HMCN1: variants seen among roughly 807,000 people sequenced by gnomAD.
HMCN1 encodes the protein hemicentin 1.
In HMCN1, 321 loss-of-function variants were observed where a neutral mutation model predicts 625.9. The ratio of observed to expected loss-of-function variants is 0.51; its 90% CI spans 0.47 to 0.56. HMCN1 has a LOEUF of 0.56. Ranked by LOEUF, HMCN1 falls within the 20% of genes least tolerant of loss-of-function variation. The probability of loss-of-function intolerance (pLI) is 0.00; values close to 1 mark genes in which losing one functional copy is unlikely to be tolerated. For missense variants in HMCN1, 6,588 were observed against 6,887.3 expected, an observed-to-expected ratio of 0.96 and a Z score of 1.54; for synonymous variants, 2,425 against 2,417.6, an observed-to-expected ratio of 1.00 and a Z score of -0.09.
intron 102 of HMCN1, among the ~76,000 whole-genome samples, chr1:186,172,835 A>G (rs1009982369): frequency 6.6e-6 from 1 of 152,232 alleles, no homozygotes; most frequent in Non-Finnish European, 1.5e-5. Context: ...GCAAAGACCT[A>G]TAATATGAGG....
chr1:185,814,005 T>C (rs1190185909), intron 1 of HMCN1, among the ~76,000 whole-genome samples: 2 of 152,212 alleles, frequency 1.3e-5, no homozygotes, highest in African/African-American at 4.8e-5. Flanking sequence ...TATTAGTTCA[T>C]GTAAGCACGT....
chr1:186,037,850 A>G, intron 36 of HMCN1, 84 bp from the exon 37 acceptor site: 1 of 853,478 alleles, frequency 1.2e-6, no homozygotes, highest in East Asian at 2.6e-5. Context: ...GAGAGGAAGA[A>G]AAATTATAAT....
At chr1:186,015,491 A>G in intron 31 of HMCN1, 54 bp downstream of exon 31, 1 of 1,535,990 alleles carries the variant, frequency 6.5e-7, no homozygotes, top group Non-Finnish European at 9.0e-7. Context: ...GCTTTCTAAT[A>G]GGCAAATATC....
chr1:186,057,158 T>C, intron 45 of HMCN1, 76 bp from the exon 46 acceptor site: 2 of 1,189,690 alleles, frequency 1.7e-6, no homozygotes, highest in Non-Finnish European at 2.5e-6. Flanking sequence ...ATGTTTGATA[T>C]ACAACATCAG....
intron 38 of HMCN1, 74 bp downstream of exon 38, chr1:186,039,079 C>A (rs964402082): frequency 2.0e-6 from 2 of 1,010,756 alleles, no homozygotes; most frequent in Non-Finnish European, 3.2e-6. Context: ...CTATAAAATT[C>A]TTGTGTAAGT....
chr1:185,922,478 A>C lies in HMCN1; in HGVS notation c.1000A>C (p.Thr334Pro). The C allele has an allele frequency of 6.2e-7, 1 of 1,613,454 alleles. No homozygotes were observed. The highest frequency in any genetic ancestry group is 8.5e-7 in the Non-Finnish European group (1 of 1,179,576). ...SRKPTLDFKK[T>P]VSRPVQGIPT... ...AAAGCCCACCCTGGACTTCAAAAAA[A>C]CAGTCAGCAGACCAGTGCAAGGTTT... The change falls in exon 7 of 107, where the codon ACA becomes CCA. Residue 334 changes from threonine to proline, a missense_variant. Transcript: ENST00000271588.
chr1:186,167,644 GTC>G (rs1166525451), intron 100 of HMCN1, among the ~76,000 whole-genome samples: 5 of 152,124 alleles, frequency 3.3e-5, no homozygotes, highest in Admixed American at 6.5e-5. Context: ...ACCGAATCAT[GTC>G]TGTTTCCTCC....
At chr1:185,936,320 A>G (rs1481056258) in intron 11 of HMCN1, among the ~76,000 whole-genome samples, 1 of 152,128 alleles carries the variant, frequency 6.6e-6, no homozygotes, top group Non-Finnish European at 1.5e-5. Flanking sequence ...AAGCTAAAGA[A>G]TAGTAAAAAC....
intron 4 of HMCN1, 66 bp downstream of exon 4, chr1:185,865,929 AATT>A (rs1340897603): frequency 6.5e-7 from 1 of 1,533,034 alleles, no homozygotes. Flanking sequence ...AGGCCAGCCT[AATT>A]ATGACAGATT....
At chr1:186,017,427 G>A (rs1301269781) in intron 33 of HMCN1, among the ~76,000 whole-genome samples, 1 of 151,994 alleles carries the variant, frequency 6.6e-6, no homozygotes, top group East Asian at 1.9e-4. Context: ...AAATAAAAAG[G>A]AGTATACCAG....
At position 186,015,117 on chromosome 1, in the gene HMCN1, T is replaced by C. The variant is rs778556330; in HGVS notation, c.4631-42T>C. On this transcript the variant is annotated intron_variant, in intron 30 of 106. Transcript: ENST00000271588. Reference sequence around the variant, plus strand: ...GCATTTAAGATTTTGATGAAGATGCTGAAACTTAGATGACTTGTTTTTGTT... The same window carrying C: ...GCATTTAAGATTTTGATGAAGATGCCGAAACTTAGATGACTTGTTTTTGTT... The C allele has an allele frequency of 3.2e-6, 5 of 1,575,816 alleles. No individual in the cohort carries two copies. The Admixed American group carries it at 5.0e-5, about 16-fold the overall frequency.
intron 1 of HMCN1, among the ~76,000 whole-genome samples, chr1:185,736,480 G>A (rs1348206881): frequency 6.6e-6 from 1 of 152,142 alleles, no homozygotes; most frequent in Non-Finnish European, 1.5e-5. Flanking sequence ...GGAATACCTT[G>A]AGTATGTTTC....
chr1:185,858,460 C>T (rs1400944319), intron 2 of HMCN1, among the ~76,000 whole-genome samples: 3 of 151,572 alleles, frequency 2.0e-5, no homozygotes, highest in South Asian at 2.1e-4. Flanking sequence ...CGGAGTCTTA[C>T]TCTGTAGCCC....
At chr1:185,942,691 G>A (rs1668144821) in intron 11 of HMCN1, among the ~76,000 whole-genome samples, 1 of 151,978 alleles carries the variant, frequency 6.6e-6, no homozygotes, top group African/African-American at 2.4e-5. Flanking sequence ...GGCCCCAACT[G>A]GGTGTCCATC....
chr1:185,964,017 A>G (rs1294439772), intron 13 of HMCN1, 122 bp downstream of exon 13: 5 of 845,654 alleles, frequency 5.9e-6, no homozygotes, highest in South Asian at 3.0e-5. Flanking sequence ...TTTATTATTC[A>G]TTTCACACAC....
At chr1:185,948,994 G>T (rs1348718229) in intron 11 of HMCN1, among the ~76,000 whole-genome samples, 1 of 151,762 alleles carries the variant, frequency 6.6e-6, no homozygotes, top group Non-Finnish European at 1.5e-5. Flanking sequence ...TACGGTTTTG[G>T]ATGAATTGAG....
At chr1:185,940,480 G>C (rs1367799320) in intron 11 of HMCN1, among the ~76,000 whole-genome samples, 1 of 152,112 alleles carries the variant, frequency 6.6e-6, no homozygotes, top group Non-Finnish European at 1.5e-5. Flanking sequence ...TTTAATTCTG[G>C]TTACTAATGA....
At chr1:186,085,639 CT>C (rs1659430767) in intron 57 of HMCN1, among the ~76,000 whole-genome samples, 1 of 152,126 alleles carries the variant, frequency 6.6e-6, no homozygotes, top group Non-Finnish European at 1.5e-5. Flanking sequence ...CTTTCACCTT[CT>C]CTTTTGCAGG....
intron 4 of HMCN1, among the ~76,000 whole-genome samples, chr1:185,894,011 T>C (rs578210473): frequency 2.0e-5 from 3 of 151,608 alleles, no homozygotes; most frequent in African/African-American, 4.9e-5. Context: ...GGCGGGCCCC[T>C]GTAGTCCCAG....
Sources: allele counts gnomAD v4.1 joint callset (sites outside exome capture counted in the v4.1 genomes callset), GRCh38; gene constraint gnomAD v4.1.1; transcripts MANE v1.5; gene names NCBI Gene and HGNC (gene_info 2026-07-23, HGNC 2026-07-21).